TAFA1: variants seen among roughly 807,000 people sequenced by gnomAD.
The protein encoded by TAFA1 is TAFA chemokine like family member 1.
Under a neutral mutation model 18.5 loss-of-function variants are expected in TAFA1, and 4 were observed. That is an observed-to-expected ratio of 0.22 (90% CI 0.11 to 0.49). TAFA1 has a LOEUF of 0.49. Ranked by LOEUF, TAFA1 falls within the 20% of genes least tolerant of loss-of-function variation. The pLI, the probability that TAFA1 is intolerant of heterozygous loss-of-function variation, is 0.98. For synonymous variants in TAFA1, 56 were observed against 55.2 expected (o/e 1.01, Z -0.06); for missense variants, 147 against 169.0 (o/e 0.87, Z 0.72).
At chr3:68,473,428 A>T (rs890598315) in intron 3 of TAFA1, among the ~76,000 whole-genome samples, 1 of 152,212 alleles carries the variant, frequency 6.6e-6, no homozygotes, top group African/African-American at 2.4e-5. Flanking sequence ...CTCTAGTTGC[A>T]TAACTTGCTA....
At chr3:68,243,157 T>C (rs1465392661) in intron 2 of TAFA1, among the ~76,000 whole-genome samples, 1 of 152,152 alleles carries the variant, frequency 6.6e-6, no homozygotes, top group Admixed American at 6.6e-5. Context: ...TAAATAATTA[T>C]AAATTCATAG....
chr3:68,005,101 C>T (rs35471768), intron 1 of TAFA1, among the ~76,000 whole-genome samples: 97,613 of 151,874 alleles, frequency 0.64, 31,958 homozygotes, highest in South Asian at 0.79. Context: ...AATACATCCA[C>T]AGTCACCTCT....
At chr3:68,382,474 G>A (rs1029875955) in intron 2 of TAFA1, among the ~76,000 whole-genome samples, 5 of 152,022 alleles carry the variant, frequency 3.3e-5, no homozygotes, top group Non-Finnish European at 7.4e-5. Flanking sequence ...ATTTAATAGG[G>A]AATCCTTTCC....
intron 2 of TAFA1, among the ~76,000 whole-genome samples, chr3:68,061,642 A>G (rs1024336420): frequency 1.3e-5 from 2 of 152,236 alleles, no homozygotes; most frequent in African/African-American, 4.8e-5. Flanking sequence ...TCACAGGTGC[A>G]TTTTGCATAG....
chr3:68,315,657 G>A (rs1177355777), intron 2 of TAFA1, among the ~76,000 whole-genome samples: 2 of 152,176 alleles, frequency 1.3e-5, no homozygotes, highest in African/African-American at 4.8e-5. Flanking sequence ...AACATCTCAT[G>A]TTGAAACAGC....
intron 2 of TAFA1, among the ~76,000 whole-genome samples, chr3:68,372,158 G>A (rs62245794): frequency 0.047 from 7,217 of 152,138 alleles, 270 homozygotes; most frequent in Non-Finnish European, 0.066. Flanking sequence ...AAGATGCCCC[G>A]CAGGTTGAAA....
chr3:68,196,908 G>C (rs1288405920), intron 2 of TAFA1, among the ~76,000 whole-genome samples: 1 of 151,778 alleles, frequency 6.6e-6, no homozygotes, highest in Non-Finnish European at 1.5e-5. Flanking sequence ...CATCCTTCTG[G>C]CCATTGAAAG....
chr3:68,331,856 CTTT>C (rs60291932), intron 2 of TAFA1, among the ~76,000 whole-genome samples: 3 of 76,198 alleles, frequency 3.9e-5, no homozygotes, highest in Admixed American at 1.8e-4. Context: ...CTTTTCTTTT[CTTT>C]TTTTTTTTTT....
At chr3:68,417,768 T>C (rs1367187596) in intron 3 of TAFA1, among the ~76,000 whole-genome samples, 3 of 152,102 alleles carry the variant, frequency 2.0e-5, no homozygotes, top group Admixed American at 2.0e-4. Context: ...AGAGGCTTAA[T>C]TGGCTCCTGG....
intron 2 of TAFA1, among the ~76,000 whole-genome samples, chr3:68,237,007 A>C (rs1196272118): frequency 1.3e-5 from 2 of 152,236 alleles, no homozygotes. Context: ...TAAGACATTG[A>C]ATAATATCTC....
At chr3:67,998,091 T>A in the TAFA1 span, among the ~76,000 whole-genome samples, 2 of 151,970 alleles carry the variant, frequency 1.3e-5, no homozygotes, top group African/African-American at 4.8e-5. Context: ...TTACAATTTT[T>A]TTAAAAAAAC....
rs532570416 is a variant in TAFA1, at chr3:68,221,387, C to G, written c.119-195893C>G. Among the ~76,000 whole-genome samples, 39 of 152,262 alleles carry G rather than the reference C, an allele frequency of 2.6e-4. No individual in the cohort carries two copies. The South Asian group carries it at 4.3e-3, about 17-fold the overall frequency. ...ATCTGGATCTTCCCTACATACAACTCTGATAAGAGAGTAGATTGGCTCTTG... is the reference window on the plus strand; with the variant it reads ...ATCTGGATCTTCCCTACATACAACTGTGATAAGAGAGTAGATTGGCTCTTG... On this transcript the variant is annotated intron_variant, in intron 2 of 4. Coordinates refer to ENST00000478136, the MANE Select transcript of TAFA1 (RefSeq NM_213609.4).
chr3:68,206,230 C>T (rs2066524615), intron 2 of TAFA1, among the ~76,000 whole-genome samples: 1 of 151,422 alleles, frequency 6.6e-6, no homozygotes, highest in African/African-American at 2.4e-5. Context: ...GAATGATGGC[C>T]GATTTGAATT....
chr3:68,380,232 G>A (rs1311262393), intron 2 of TAFA1, among the ~76,000 whole-genome samples: 7 of 151,878 alleles, frequency 4.6e-5, no homozygotes, highest in Non-Finnish European at 8.8e-5. Flanking sequence ...AAACATACGC[G>A]TGCATGTGTC....
chr3:68,376,094 C>G (rs1191201613), intron 2 of TAFA1, among the ~76,000 whole-genome samples: 2 of 152,110 alleles, frequency 1.3e-5, no homozygotes, highest in Non-Finnish European at 2.9e-5. Context: ...AGGGTCTGCA[C>G]AACTGATCAG....
intron 2 of TAFA1, among the ~76,000 whole-genome samples, chr3:68,251,568 A>G (rs1200298797): frequency 1.3e-5 from 2 of 152,208 alleles, no homozygotes; most frequent in East Asian, 3.8e-4. Context: ...TGAAGGAGAA[A>G]GAAGAGGGGA....
At chr3:68,319,929 G>A (rs897636955) in intron 2 of TAFA1, among the ~76,000 whole-genome samples, 4 of 152,064 alleles carry the variant, frequency 2.6e-5, no homozygotes, top group African/African-American at 9.7e-5. Flanking sequence ...TAGAATGCTT[G>A]ATAGCTTTGA....
intron 2 of TAFA1, among the ~76,000 whole-genome samples, chr3:68,310,207 T>A (rs2068491085): frequency 6.6e-6 from 1 of 152,182 alleles, no homozygotes. Context: ...AAAAGCTTAC[T>A]TGTACCAATA....
intron 2 of TAFA1, among the ~76,000 whole-genome samples, chr3:68,278,756 A>C (rs60448943): frequency 0.021 from 3,256 of 152,240 alleles, 74 homozygotes; most frequent in South Asian, 0.1. Flanking sequence ...GCTTGTTAAA[A>C]TACACATTCC....
Sources: allele counts gnomAD v4.1 joint callset (sites outside exome capture counted in the v4.1 genomes callset), GRCh38; gene constraint gnomAD v4.1.1; transcripts MANE v1.5; gene names NCBI Gene and HGNC (gene_info 2026-07-23, HGNC 2026-07-21).